ANG: variants seen among roughly 807,000 people sequenced by gnomAD.
ANG encodes the protein angiogenin, also known as Homo sapiens epididymis luminal protein 168.
For synonymous variants in ANG, 74 were observed against 73.8 expected (o/e 1.00, Z -0.02); for missense variants, 178 against 187.4 (o/e 0.95, Z 0.29).
upstream of ANG, chr14:20,684,850 G>C (rs1470205859): frequency 6.6e-6 from 1 of 152,552 alleles, no homozygotes; most frequent in African/African-American, 2.4e-5. Context: ...GAGGCAGCTT[G>C]GGACTCCTTG....
At chr14:20,688,948 C>A in intron 1 of ANG, 74 bp downstream of exon 1, 1 of 761,606 alleles carries the variant, frequency 1.3e-6, no homozygotes, top group Non-Finnish European at 1.6e-6. Flanking sequence ...ATTTTCCTCC[C>A]TTTAAAGCCT....
chr14:20,690,170 G>C (rs1886654455), intron 1 of ANG, among the ~76,000 whole-genome samples: 1 of 126,406 alleles, frequency 7.9e-6, no homozygotes, highest in Non-Finnish European at 1.6e-5. Context: ...AGCCGAGATT[G>C]CGCCACTGCA....
At position 20,689,246 on chromosome 14, in the gene ANG, C is replaced by T. The variant is rs539907754; in HGVS notation, c.-19+372C>T. Among the ~76,000 whole-genome samples, 5 of 152,348 alleles carry T rather than the reference C, an allele frequency of 3.3e-5. No homozygotes were observed. In the South Asian group the frequency reaches 1.0e-3, roughly 32 times the overall value. On this transcript the variant is annotated intron_variant, in intron 1 of 1. Transcript: ENST00000397990. ...AGTATGTTTTTAGCATTGTTTCCTT[C>T]TAACCTTCCCTGCTAATTTCTCTTC... is the stretch of plus-strand genomic sequence containing the variant.
At chr14:20,689,222 G>C (rs1886571402) in intron 1 of ANG, among the ~76,000 whole-genome samples, 1 of 152,208 alleles carries the variant, frequency 6.6e-6, no homozygotes, top group Non-Finnish European at 1.5e-5. Flanking sequence ...GAAAGAAACA[G>C]TATGTTTTTA....
upstream of ANG, chr14:20,688,725 G>T: frequency 1.0e-6 from 1 of 985,294 alleles, no homozygotes; most frequent in Non-Finnish European, 1.2e-6. Flanking sequence ...TGCCAGGACT[G>T]GGACACTATA....
intron 1 of ANG, among the ~76,000 whole-genome samples, chr14:20,692,983 G>A (rs917476378): frequency 6.6e-5 from 10 of 151,584 alleles, no homozygotes; most frequent in South Asian, 2.1e-4. Flanking sequence ...GAGTAGCTGG[G>A]ACTACAGGCG....
intron 1 of ANG, among the ~76,000 whole-genome samples, chr14:20,689,120 C>T (rs1320881446): frequency 2.6e-5 from 4 of 152,164 alleles, no homozygotes; most frequent in African/African-American, 9.7e-5. Context: ...GATAAAATCC[C>T]CAAAGGCCTG....
chr14:20,693,514 T>C, intron 1 of ANG, 33 bp from the exon 2 acceptor site: 1 of 1,605,944 alleles, frequency 6.2e-7, no homozygotes, highest in Non-Finnish European at 8.5e-7. Flanking sequence ...ATGCTGTTCT[T>C]GGGTCTACCA....
chr14:20,693,901 T>C lies in ANG; in HGVS notation c.337T>C (p.Trp113Arg), dbSNP rs1886959707. 1 of 1,614,066 alleles carries C rather than the reference T, an allele frequency of 6.2e-7. No individual in the cohort carries two copies. Residue 113 changes from tryptophan to arginine, a missense_variant, in exon 2 of 2, where the codon TGG becomes CGG. Transcript: ENST00000397990. The stretch of plus-strand genomic sequence containing the variant: ...TTGCAAGCTACATGGAGGTTCCCCC[T>C]GGCCTCCATGCCAGTACCGAGCCAC... ...TTCKLHGGSP[W>R]PPCQYRATAG...
At chr14:20,688,951 T>A in intron 1 of ANG, 77 bp downstream of exon 1, 1 of 744,346 alleles carries the variant, frequency 1.3e-6, no homozygotes, top group Non-Finnish European at 1.6e-6. Context: ...TTCCTCCCTT[T>A]AAAGCCTCCA....
chr14:20,690,582 A>G (rs1023326892), intron 1 of ANG, among the ~76,000 whole-genome samples: 15 of 152,314 alleles, frequency 9.8e-5, no homozygotes, highest in African/African-American at 3.6e-4. Context: ...TTAGGGAATC[A>G]AGATTACAGG....
chr14:20,691,032 G>T (rs1886714690), intron 1 of ANG, among the ~76,000 whole-genome samples: 2 of 152,140 alleles, frequency 1.3e-5, no homozygotes, highest in Admixed American at 1.3e-4. Flanking sequence ...ATCTAATGAG[G>T]TGTCCTTGGT....
At chr14:20,685,097 C>T (rs951160952), upstream of ANG, among the ~76,000 whole-genome samples, 3 of 152,192 alleles carry the variant, frequency 2.0e-5, no homozygotes, top group Non-Finnish European at 4.4e-5. Flanking sequence ...GCTAGTTATT[C>T]AGGCTAATCA....
At chr14:20,689,581 A>C (rs1886599857) in intron 1 of ANG, among the ~76,000 whole-genome samples, 1 of 152,172 alleles carries the variant, frequency 6.6e-6, no homozygotes, top group East Asian at 1.9e-4. Flanking sequence ...ATTCTTGTGA[A>C]TACTAACAGA....
Position 20,693,608 on chromosome 14 carries a change from G to C in ANG, c.44G>C (p.Gly15Ala). ...LGVLLLVFVLGLGLTPPTLAQ... is the reference protein window; with the variant it reads ...LGVLLLVFVLALGLTPPTLAQ... ...GTTTTGTTGTTGGTCTTCGTGCTGG[G>C]TCTGGGTCTGACCCCACCGACCCTG... is the stretch of plus-strand genomic sequence containing the variant. Residue 15 changes from glycine (G) to alanine (A), a missense_variant, in exon 2 of 2, where the codon GGT (glycine) becomes GCT (alanine). Coordinates refer to ENST00000397990, the MANE Select transcript of ANG (RefSeq NM_001097577.3). The C allele has an allele frequency of 6.2e-7, 1 of 1,613,922 alleles. No individual in the cohort carries two copies. The highest frequency in any genetic ancestry group is 1.1e-5 in the South Asian group (1 of 91,076).
At chr14:20,686,585 G>C (rs1453643117), upstream of ANG, among the ~76,000 whole-genome samples, 1 of 152,234 alleles carries the variant, frequency 6.6e-6, no homozygotes, top group Non-Finnish European at 1.5e-5. Flanking sequence ...GGAACAAAGA[G>C]TGAGTGGGCA....
upstream of ANG, among the ~76,000 whole-genome samples, chr14:20,688,436 T>C (rs1886529120): frequency 6.6e-6 from 1 of 152,154 alleles, no homozygotes; most frequent in African/African-American, 2.4e-5. Context: ...CCAAGGCAGT[T>C]CTTGGAGTTG....
intron 1 of ANG, among the ~76,000 whole-genome samples, chr14:20,690,108 G>T (rs531906918): frequency 1.4e-5 from 2 of 147,724 alleles, no homozygotes; most frequent in South Asian, 2.1e-4. Context: ...CCAGCTACTC[G>T]GGAGGCTGAG....
chr14:20,692,947 A>C (rs1350534052), intron 1 of ANG, among the ~76,000 whole-genome samples: 5 of 152,094 alleles, frequency 3.3e-5, no homozygotes, highest in Non-Finnish European at 5.9e-5. Context: ...TCCCGGGTTC[A>C]CGCCATTCTC....
Sources: gnomAD v4.1 joint callset for allele counts (sites outside exome capture counted in the v4.1 genomes callset) on GRCh38, gnomAD v4.1.1 for gene constraint, MANE v1.5 for transcripts, NCBI Gene and HGNC (gene_info 2026-07-23, HGNC 2026-07-21) for gene names.